The following ST18 variants were observed in gnomAD, a reference collection of about 807,000 sequenced individuals.
ST18 encodes ST18 C2H2C-type zinc finger transcription factor.
In ST18, 50 loss-of-function variants were observed where a neutral mutation model predicts 110.0. That is an observed-to-expected ratio of 0.45 (90% CI 0.36 to 0.58). The LOEUF is 0.58. Among genes scored for constraint, ST18 ranks in the 20% least tolerant of loss-of-function variants. The pLI is 0.00. For missense variants in ST18, 1,306 were observed against 1,280.1 expected (o/e 1.02, Z -0.31); for synonymous variants, 461 against 452.4 (o/e 1.02, Z -0.24).
intron 5 of ST18, among the ~76,000 whole-genome samples, chr8:52,219,565 G>A (rs568209186): frequency 6.6e-6 from 1 of 152,282 alleles, no homozygotes; most frequent in East Asian, 1.9e-4. Flanking sequence ...ATCGAAGGAT[G>A]TGTGCACTTT....
At chr8:52,321,881 G>A (rs1429969799) in intron 2 of ST18, among the ~76,000 whole-genome samples, 2 of 152,184 alleles carry the variant, frequency 1.3e-5, no homozygotes, top group Non-Finnish European at 2.9e-5. Flanking sequence ...ATACAGCCTA[G>A]AGGTGCTTTG....
intron 2 of ST18, among the ~76,000 whole-genome samples, chr8:52,343,426 C>T (rs891662337): frequency 2.6e-5 from 4 of 152,094 alleles, no homozygotes; most frequent in Non-Finnish European, 4.4e-5. Flanking sequence ...CTTGAATGTA[C>T]CAACCATAGA....
chr8:52,387,656 T>C (rs968384271), intron 2 of ST18, among the ~76,000 whole-genome samples: 1 of 152,132 alleles, frequency 6.6e-6, no homozygotes, highest in Admixed American at 6.5e-5. Context: ...CTGACTTTCC[T>C]CAGGGCTAGT....
chr8:52,182,630 G>C (rs963831984), intron 8 of ST18, among the ~76,000 whole-genome samples: 8 of 152,134 alleles, frequency 5.3e-5, no homozygotes, highest in African/African-American at 1.9e-4. Context: ...GTTGCCGGGG[G>C]ATGAGGGAGG....
chr8:52,374,646 C>T (rs1008153356), intron 2 of ST18, among the ~76,000 whole-genome samples: 1 of 151,932 alleles, frequency 6.6e-6, no homozygotes, highest in African/African-American at 2.4e-5. Context: ...GGTATTAAGC[C>T]CAGCATCCAT....
intron 2 of ST18, among the ~76,000 whole-genome samples, chr8:52,386,411 CT>C (rs1417549971): frequency 6.6e-6 from 1 of 150,582 alleles, no homozygotes; most frequent in African/African-American, 2.4e-5. Flanking sequence ...GTTTTTTCTA[CT>C]TTCTAAATGA....
At chr8:52,350,983 G>A (rs1028516303) in intron 2 of ST18, among the ~76,000 whole-genome samples, 1 of 152,026 alleles carries the variant, frequency 6.6e-6, no homozygotes, top group Admixed American at 6.6e-5. Context: ...GCCTCCCAAA[G>A]TGCTGGGATT....
At chr8:52,371,200 G>C (rs540399557) in intron 2 of ST18, among the ~76,000 whole-genome samples, 4 of 152,298 alleles carry the variant, frequency 2.6e-5, no homozygotes, top group African/African-American at 9.6e-5. Flanking sequence ...GCTGTGTGCT[G>C]CTCGACTCTT....
At chr8:52,169,619 T>G (rs1195522316) in intron 10 of ST18, among the ~76,000 whole-genome samples, 1 of 149,882 alleles carries the variant, frequency 6.7e-6, no homozygotes, top group Non-Finnish European at 1.5e-5. Context: ...GGCTGTCAGT[T>G]GGGATAAGCA....
Position 52,113,192 on chromosome 8 carries a change from G to C in ST18, c.*6C>G. Reference sequence around the variant, plus strand: ...GTAACTTCTGTTGCCCGGCAGCGCTGTGATCCTACACATGGATACCCTTCA... The same window carrying C: ...GTAACTTCTGTTGCCCGGCAGCGCTCTGATCCTACACATGGATACCCTTCA... On this transcript the variant is annotated 3_prime_UTR_variant, in exon 26 of 26. Coordinates refer to ENST00000689386, the MANE Select transcript of ST18 (RefSeq NM_001352837.2). 2 of 1,613,778 alleles carry C rather than the reference G, an allele frequency of 1.2e-6. No individual in the cohort carries two copies. Among genetic ancestry groups the C allele is most frequent in the Non-Finnish European group, 1.7e-6 (2 of 1,179,860 alleles).
intron 2 of ST18, among the ~76,000 whole-genome samples, chr8:52,374,531 T>C (rs7464190): frequency 0.78 from 117,674 of 150,284 alleles, 49,453 homozygotes; most frequent in Non-Finnish European, 0.93. Context: ...CATTTCATTT[T>C]ATTTTATTTT....
intron 2 of ST18, among the ~76,000 whole-genome samples, chr8:52,332,756 C>T (rs184365431): frequency 1.3e-4 from 20 of 151,978 alleles, no homozygotes; most frequent in South Asian, 6.3e-4. Context: ...GAGGCTGAGG[C>T]GGGAGAATCG....
At chr8:52,366,524 G>A (rs527812542) in intron 2 of ST18, among the ~76,000 whole-genome samples, 9 of 152,192 alleles carry the variant, frequency 5.9e-5, no homozygotes, top group South Asian at 4.2e-4. Flanking sequence ...AGTCTTGCTC[G>A]TTTTCTCTGA....
At chr8:52,277,907 C>T (rs1376728711) in intron 2 of ST18, among the ~76,000 whole-genome samples, 1 of 152,090 alleles carries the variant, frequency 6.6e-6, no homozygotes, top group Admixed American at 6.5e-5. Flanking sequence ...GAATTGATAG[C>T]AATTCCATTA....
At chr8:52,202,010 G>A (rs1015211195) in intron 8 of ST18, among the ~76,000 whole-genome samples, 6 of 152,308 alleles carry the variant, frequency 3.9e-5, no homozygotes, top group South Asian at 2.1e-4. Context: ...AGGCTGATTC[G>A]TAGTTGAGGG....
intron 2 of ST18, among the ~76,000 whole-genome samples, chr8:52,295,942 A>G (rs1426363123): frequency 1.3e-5 from 2 of 151,746 alleles, no homozygotes; most frequent in Non-Finnish European, 2.9e-5. Context: ...AGAACAGGGG[A>G]GCAGCTGCAT....
intron 11 of ST18, among the ~76,000 whole-genome samples, chr8:52,166,423 A>G (rs1387350475): frequency 1.3e-5 from 2 of 152,160 alleles, no homozygotes; most frequent in East Asian, 3.9e-4. Context: ...GTACCAGACA[A>G]CTAGGGACAG....
In ST18 at chr8:52,149,967, A is replaced by G. The variant is rs1296908070; in HGVS notation, c.1817T>C (p.Ile606Thr). The G allele has an allele frequency of 1.2e-6, 2 of 1,613,718 alleles. No individual in the cohort carries two copies. Among genetic ancestry groups the G allele is most frequent in the African/African-American group, 1.3e-5 (1 of 74,896 alleles). The change falls in exon 16 of 26, where the codon ATA becomes ACA. Residue 606 changes from isoleucine (I) to threonine (T), a missense_variant. Coordinates refer to ENST00000689386, the MANE Select transcript of ST18 (RefSeq NM_001352837.2). Reference sequence around the variant, plus strand: ...CAATGTGCCATTTTCATCCACTTCTATTTCGGCTCCCTGGTATACAATAGG... The same window carrying G: ...CAATGTGCCATTTTCATCCACTTCTGTTTCGGCTCCCTGGTATACAATAGG... ...PQSLHAKGAE[I>T]EVDENGTLDL...
chr8:52,266,614 T>C (rs1233717266), intron 2 of ST18, among the ~76,000 whole-genome samples: 1 of 150,146 alleles, frequency 6.7e-6, no homozygotes, highest in African/African-American at 2.5e-5. Context: ...TGATCTCGGC[T>C]CACTGCAGCC....
Sources: allele counts gnomAD v4.1 joint callset (sites outside exome capture counted in the v4.1 genomes callset), GRCh38; gene constraint gnomAD v4.1.1; transcripts MANE v1.5; gene names NCBI Gene and HGNC (gene_info 2026-07-23, HGNC 2026-07-21).